The following PCDHGA5 variants were observed in gnomAD, a reference collection of about 807,000 sequenced individuals.
PCDHGA5 encodes the protein protocadherin gamma subfamily A, 5.
In PCDHGA5, 36 loss-of-function variants were observed where a neutral mutation model predicts 56.7. The ratio of observed to expected loss-of-function variants is 0.64; its 90% CI spans 0.49 to 0.84. The LOEUF (loss-of-function observed/expected upper bound fraction) is 0.84, where lower values mean the gene tolerates loss of function less well. Ranked by LOEUF, PCDHGA5 falls within the 40% of genes least tolerant of loss-of-function variation. The pLI, the probability that PCDHGA5 is intolerant of heterozygous loss-of-function variation, is 0.00. For missense variants in PCDHGA5, 1,305 were observed against 1,201.5 expected, an observed-to-expected ratio of 1.09 and a Z score of -1.27; for synonymous variants, 563 against 520.2, an observed-to-expected ratio of 1.08 and a Z score of -1.12.
At chr5:141,387,340 G>A (rs565408747) in intron 1 of PCDHGA5, among the ~76,000 whole-genome samples, 2 of 152,306 alleles carry the variant, frequency 1.3e-5, no homozygotes, top group Non-Finnish European at 2.9e-5. Flanking sequence ...ACTGTACTCT[G>A]AGACGGTTTA....
At chr5:141,441,680 C>T in intron 1 of PCDHGA5, 1 of 295,840 alleles carries the variant, frequency 3.4e-6, no homozygotes, top group South Asian at 2.8e-5. Context: ...GCGCCTTCGA[C>T]CAAGAGCAGC....
intron 1 of PCDHGA5, among the ~76,000 whole-genome samples, chr5:141,454,538 C>G (rs1229435473): frequency 6.6e-6 from 1 of 152,110 alleles, no homozygotes; most frequent in African/African-American, 2.4e-5. Context: ...TCCCAAGTAG[C>G]TGAGATTACA....
At chr5:141,375,177 T>C in intron 1 of PCDHGA5, 1 of 1,614,004 alleles carries the variant, frequency 6.2e-7, no homozygotes, top group Non-Finnish European at 8.5e-7. Flanking sequence ...CCAGGAACAG[T>C]AATCGCCCTT....
intron 1 of PCDHGA5, chr5:141,379,313 A>C (rs1053297201): frequency 4.6e-5 from 7 of 152,264 alleles, no homozygotes; most frequent in African/African-American, 1.7e-4. Flanking sequence ...CCTAAACAAG[A>C]GATCTAATCA....
intron 1 of PCDHGA5, chr5:141,427,469 C>A: frequency 2.0e-6 from 1 of 510,092 alleles, no homozygotes; most frequent in Non-Finnish European, 3.8e-6. Flanking sequence ...TCGAATCTTC[C>A]GCCAATAATG....
At chr5:141,380,349 GT>G (rs1776403876) in intron 1 of PCDHGA5, among the ~76,000 whole-genome samples, 1 of 152,006 alleles carries the variant, frequency 6.6e-6, no homozygotes, top group South Asian at 2.1e-4. Flanking sequence ...CTGTTTTGTT[GT>G]TTGTTTTTTA....
intron 1 of PCDHGA5, chr5:141,385,236 C>T: frequency 2.5e-6 from 4 of 1,614,152 alleles, no homozygotes; most frequent in Non-Finnish European, 3.4e-6. Flanking sequence ...TAGACATGCT[C>T]ATCAGCCAGG....
intron 1 of PCDHGA5, chr5:141,377,279 AAT>A (rs1773851812): frequency 6.6e-6 from 1 of 152,110 alleles, no homozygotes; most frequent in African/African-American, 2.4e-5. Context: ...TGGGAAAAAA[AAT>A]AACCTTAATT....
rs753538822 is a variant in PCDHGA5, at chr5:141,476,676, G to C, written c.2422-18131G>C. 6 of 1,614,222 alleles carry C rather than the reference G, an allele frequency of 3.7e-6. No individual in the cohort carries two copies. Among genetic ancestry groups the C allele is most frequent in the Non-Finnish European group, 4.2e-6 (5 of 1,180,054 alleles). ...TACTTTGCGCTTCGCGTGCAGACGCGGGAGGACAGCACCAAGTACGCGGAG... is the reference window on the plus strand; with the variant it reads ...TACTTTGCGCTTCGCGTGCAGACGCCGGAGGACAGCACCAAGTACGCGGAG... On this transcript the variant is annotated intron_variant, in intron 1 of 3. Transcript: ENST00000518069. The surrounding 1 kb of genome is among the most constrained non-coding windows in gnomAD (Gnocchi z 7.6).
intron 1 of PCDHGA5, among the ~76,000 whole-genome samples, chr5:141,450,006 C>CTATTTTTTTTTT (rs70988802): frequency 7.5e-6 from 1 of 132,986 alleles, no homozygotes. Context: ...TGCCATGTCT[C>CTATTTTTTTTTT]TTTTTTTTTT....
At chr5:141,380,058 C>T (rs1231461261) in intron 1 of PCDHGA5, among the ~76,000 whole-genome samples, 2 of 151,888 alleles carry the variant, frequency 1.3e-5, no homozygotes, top group Admixed American at 1.3e-4. Context: ...TGCCACCATG[C>T]CTAGCTAATT....
At chr5:141,439,524 A>T (rs774174912) in intron 1 of PCDHGA5, among the ~76,000 whole-genome samples, 2 of 152,114 alleles carry the variant, frequency 1.3e-5, no homozygotes, top group Admixed American at 6.5e-5. Flanking sequence ...AACTAACTCT[A>T]CAGAACGCTG....
At chr5:141,398,375 A>C in intron 1 of PCDHGA5, 2 of 1,437,542 alleles carry the variant, frequency 1.4e-6, no homozygotes, top group East Asian at 4.7e-5. Flanking sequence ...GAGAGCGGGG[A>C]GTTGCTTGTG....
At chr5:141,415,909 C>A in intron 1 of PCDHGA5, 1 of 761,030 alleles carries the variant, frequency 1.3e-6, no homozygotes, top group Non-Finnish European at 1.8e-6. Flanking sequence ...GACTTCCATA[C>A]AGAAGTGCCT....
At chr5:141,461,974 C>T (rs2099027742) in intron 1 of PCDHGA5, among the ~76,000 whole-genome samples, 1 of 152,202 alleles carries the variant, frequency 6.6e-6, no homozygotes, top group Non-Finnish European at 1.5e-5. Context: ...CAGGCATATG[C>T]CACCACGCCA....
At chr5:141,419,152 G>A (rs2096335735) in intron 1 of PCDHGA5, 25 of 1,613,916 alleles carry the variant, frequency 1.5e-5, no homozygotes, top group East Asian at 4.5e-5. Context: ...GCAAGCCTCC[G>A]TTATCCTCCA....
rs1410460145 is a variant in PCDHGA5 at position 141,490,798 on chromosome 5, C to T, written c.2422-4009C>T. On this transcript the variant is annotated intron_variant, in intron 1 of 3. Coordinates refer to ENST00000518069, the MANE Select transcript of PCDHGA5 (RefSeq NM_018918.3). The surrounding 1 kb of genome is among the most constrained non-coding windows in gnomAD (Gnocchi z 5.4). The stretch of plus-strand genomic sequence containing the variant: ...AGAGGATGGACGGATCTTTGCCCAG[C>T]GTACCTTTGACTATGAATTGCTGCA... 9.3e-6 allele frequency: 15 copies of T among 1,613,808 alleles called. No individual in the cohort carries two copies. Among genetic ancestry groups the T allele is most frequent in the Admixed American group, 6.7e-5 (4 of 60,002 alleles).
chr5:141,407,548 G>A (rs2094952527), intron 1 of PCDHGA5, among the ~76,000 whole-genome samples: 1 of 151,388 alleles, frequency 6.6e-6, no homozygotes, highest in Non-Finnish European at 1.5e-5. Context: ...GTAACAGATT[G>A]TAGAACATAA....
rs75563633 is a variant in PCDHGA5 at position 141,365,084 on chromosome 5, C to G, written c.754C>G (p.Pro252Ala). The G allele has an allele frequency of 4.2e-4, 675 of 1,613,836 alleles. 2 individuals carry two copies. The African/African-American group carries it at 8.3e-3, about 20-fold the overall frequency. ...CCCATCCGAGTACAGCGTGAGTGTT[C>G]CAGAGAACATACCTGTGGGCACTCG... ...FTPSEYSVSV[P>A]ENIPVGTRLL... The change falls in exon 1 of 4, where the codon CCA becomes GCA. Residue 252 changes from proline to alanine, a missense_variant. Physicochemically the swap from Pro to Ala is conservative, Grantham distance 27. Coordinates refer to ENST00000518069, the MANE Select transcript of PCDHGA5 (RefSeq NM_018918.3).
Sources: gnomAD v4.1 joint callset for allele counts (sites outside exome capture counted in the v4.1 genomes callset) on GRCh38, gnomAD v4.1.1 for gene constraint, Gnocchi (gnomAD v3.1) non-coding constraint, MANE v1.5 for transcripts, NCBI Gene and HGNC (gene_info 2026-07-23, HGNC 2026-07-21) for gene names.